The following WASF2 variants were observed in gnomAD, a reference collection of about 807,000 sequenced individuals.
WASF2 encodes WASP family member 2.
WASF2 carries 14 observed loss-of-function variants against 45.0 expected under a neutral mutation model. The observed-to-expected ratio is 0.31, with a 90% CI of 0.21 to 0.49. The LOEUF (loss-of-function observed/expected upper bound fraction) is 0.49. WASF2 is among the 20% of genes least tolerant of loss of function. The pLI, the probability that WASF2 is intolerant of heterozygous loss-of-function variation, is 0.99. For synonymous variants in WASF2, 200 were observed against 236.3 expected (o/e 0.85, Z 1.41); for missense variants, 439 against 636.1 (o/e 0.69, Z 3.33).
chr1:27,433,300 T>C (rs919963965), intron 1 of WASF2, among the ~76,000 whole-genome samples: 4 of 152,138 alleles, frequency 2.6e-5, no homozygotes, highest in Admixed American at 2.6e-4. Flanking sequence ...AAAGGATGAT[T>C]AGAGTGACAG....
chr1:27,467,988 T>C (rs971333047), intron 1 of WASF2, among the ~76,000 whole-genome samples: 2 of 151,600 alleles, frequency 1.3e-5, no homozygotes, highest in Non-Finnish European at 2.9e-5. Flanking sequence ...GTCTGGAGTG[T>C]AGTAGCACAA....
At chr1:27,448,929 CCTTT>C (rs2017345540) in intron 1 of WASF2, among the ~76,000 whole-genome samples, 1 of 151,692 alleles carries the variant, frequency 6.6e-6, no homozygotes, top group Admixed American at 6.6e-5. Context: ...TACACATATA[CCTTT>C]CTTTGCAGTC....
At chr1:27,412,859 A>T (rs2016782983) in intron 6 of WASF2, 132 bp from the exon 7 acceptor site, 2 of 998,454 alleles carry the variant, frequency 2.0e-6, no homozygotes, top group Admixed American at 2.5e-5. Context: ...TATTTCCCAC[A>T]TATTTTCTGT....
intron 1 of WASF2, among the ~76,000 whole-genome samples, chr1:27,458,809 T>TA (rs976016339): frequency 1.3e-5 from 2 of 151,194 alleles, no homozygotes; most frequent in Non-Finnish European, 2.9e-5. Context: ...AATAAAAAAT[T>TA]AAAAAATTTT....
chr1:27,480,320 C>G (rs1344875595), intron 1 of WASF2, among the ~76,000 whole-genome samples: 1 of 151,826 alleles, frequency 6.6e-6, no homozygotes, highest in African/African-American at 2.4e-5. Flanking sequence ...AGTTCGAGAA[C>G]AGCCTGGCCA....
intron 1 of WASF2, among the ~76,000 whole-genome samples, chr1:27,436,842 G>GA (rs996021866): frequency 1.3e-5 from 2 of 152,176 alleles, no homozygotes; most frequent in Non-Finnish European, 2.9e-5. Context: ...GGTAGATACA[G>GA]AAAGTATTTG....
intron 1 of WASF2, among the ~76,000 whole-genome samples, chr1:27,479,472 AT>A (rs2017816299): frequency 6.6e-6 from 1 of 152,212 alleles, no homozygotes; most frequent in Admixed American, 6.5e-5. Context: ...TATAAATCTC[AT>A]CTTAAAAAAG....
intron 1 of WASF2, among the ~76,000 whole-genome samples, chr1:27,469,759 T>C (rs897395458): frequency 6.6e-6 from 1 of 152,096 alleles, no homozygotes; most frequent in Non-Finnish European, 1.5e-5. Flanking sequence ...CTGGCCAACA[T>C]GGTGAAACCC....
chr1:27,424,422 T>C (rs573439500), intron 2 of WASF2, among the ~76,000 whole-genome samples: 1 of 152,348 alleles, frequency 6.6e-6, no homozygotes, highest in South Asian at 2.1e-4. Flanking sequence ...GGGAAATATA[T>C]AGGCGTGAAT....
intron 1 of WASF2, among the ~76,000 whole-genome samples, chr1:27,454,135 ATG>A (rs376322285): frequency 0.017 from 649 of 37,904 alleles, 13 homozygotes; most frequent in African/African-American, 0.054. Flanking sequence ...GTATATATAT[ATG>A]TGTGTGTGTG....
Position 27,429,071 on chromosome 1 carries a change from C to CA in WASF2, c.-43-139_-43-138insT. The CA allele has an allele frequency of 6.9e-6, 5 of 728,794 alleles. 1 individual carries two copies. The highest frequency in any genetic ancestry group is 8.4e-6 in the Non-Finnish European group (4 of 473,940). 45.1% of individuals were successfully genotyped at this position (728,794 alleles called of 1,614,324 possible). On this transcript the variant is annotated intron_variant, in intron 1 of 8. Transcript: ENST00000618852. ...TAAAAAAAATCTTCATTCTCCCTAT[C>CA]TTTTTTTTTCTTTCATTTTTAAGTC...
At chr1:27,469,357 G>A (rs2017659605) in intron 1 of WASF2, among the ~76,000 whole-genome samples, 1 of 152,126 alleles carries the variant, frequency 6.6e-6, no homozygotes, top group African/African-American at 2.4e-5. Context: ...AGAACGAGAT[G>A]AGCAGACAAG....
At chr1:27,468,328 CA>C (rs1217316678) in intron 1 of WASF2, among the ~76,000 whole-genome samples, 8 of 146,496 alleles carry the variant, frequency 5.5e-5, no homozygotes, top group Admixed American at 1.4e-4. Context: ...GCAGCAATAA[CA>C]AAAAAAAAAC....
rs892469173 is a variant in WASF2 at position 27,444,889 on chromosome 1, C to T, written c.-43-15956G>A. The stretch of plus-strand genomic sequence containing the variant: ...CAAACAATCTTTCATCTTAAAAGCC[C>T]GAGGTGAGTGTCACCACTTCTAAGA... On this transcript the variant is annotated intron_variant, in intron 1 of 8. Transcript: ENST00000618852. Among the ~76,000 whole-genome samples the T allele has an allele frequency of 8.5e-5, 13 of 152,254 alleles. No homozygotes were observed. The South Asian group carries it at 2.1e-3, about 24-fold the overall frequency.
chr1:27,482,909 A>T (rs768013676), intron 1 of WASF2, among the ~76,000 whole-genome samples: 2 of 152,184 alleles, frequency 1.3e-5, no homozygotes, highest in Non-Finnish European at 2.9e-5. Flanking sequence ...AAAAGTAACA[A>T]TATCTGGAGA....
At chr1:27,432,605 G>A (rs1368631500) in intron 1 of WASF2, among the ~76,000 whole-genome samples, 6 of 113,646 alleles carry the variant, frequency 5.3e-5, no homozygotes, top group South Asian at 3.0e-4. Context: ...CCAAGATCGC[G>A]CCACTGCACT....
At chr1:27,485,339 T>G (rs1306501615) in intron 1 of WASF2, among the ~76,000 whole-genome samples, 5 of 151,828 alleles carry the variant, frequency 3.3e-5, no homozygotes, top group African/African-American at 1.2e-4. Context: ...CTCAACACTT[T>G]GGGGAGGCCA....
chr1:27,480,825 G>A (rs545886854), intron 1 of WASF2, among the ~76,000 whole-genome samples: 2,517 of 152,156 alleles, frequency 0.017, 34 homozygotes, highest in South Asian at 0.058. Flanking sequence ...TGGCTAACAC[G>A]GTGAAACCCC....
At chr1:27,443,228 TG>T (rs1032996176) in intron 1 of WASF2, among the ~76,000 whole-genome samples, 1 of 144,644 alleles carries the variant, frequency 6.9e-6, no homozygotes, top group African/African-American at 2.6e-5. Context: ...CCCAGCTACC[TG>T]GGAGGCTGAG....
Sources: gnomAD v4.1 joint callset for allele counts (sites outside exome capture counted in the v4.1 genomes callset) on GRCh38, gnomAD v4.1.1 for gene constraint, MANE v1.5 for transcripts, NCBI Gene and HGNC (gene_info 2026-07-23, HGNC 2026-07-21) for gene names.